B3GALT1: variants seen among roughly 807,000 people sequenced by gnomAD.
B3GALT1 encodes UDP-Gal:betaGlcNAc beta 1,3-galactosyltransferase, polypeptide 1.
In B3GALT1, 10 loss-of-function variants were observed where a neutral mutation model predicts 23.2. That is an observed-to-expected ratio of 0.43 (90% CI 0.27 to 0.73). B3GALT1 has a LOEUF of 0.73. Ranked by LOEUF, B3GALT1 falls within the 30% of genes least tolerant of loss-of-function variation. The pLI is 0.21. For missense variants in B3GALT1, 299 were observed against 405.4 expected (o/e 0.74, Z 2.25); for synonymous variants, 156 against 141.5 (o/e 1.10, Z -0.73).
intron 3 of B3GALT1, among the ~76,000 whole-genome samples, chr2:167,767,195 T>C (rs867096452): frequency 6.6e-6 from 1 of 152,184 alleles, no homozygotes; most frequent in Non-Finnish European, 1.5e-5. Context: ...GCTGAACCAA[T>C]TGAGGTGTTG....
chr2:167,545,639 C>CA (rs1683624471), intron 2 of B3GALT1, among the ~76,000 whole-genome samples: 1 of 152,118 alleles, frequency 6.6e-6, no homozygotes, highest in Non-Finnish European at 1.5e-5. Context: ...GGACTGCCCT[C>CA]ACTTCAGACA....
chr2:167,674,265 C>G (rs1192646332), intron 3 of B3GALT1, among the ~76,000 whole-genome samples: 1 of 152,050 alleles, frequency 6.6e-6, no homozygotes, highest in East Asian at 1.9e-4. Flanking sequence ...AGTTATAAAG[C>G]AAGAATTTAT....
intron 2 of B3GALT1, among the ~76,000 whole-genome samples, chr2:167,637,227 T>C (rs763230774): frequency 2.0e-5 from 3 of 151,962 alleles, no homozygotes; most frequent in Non-Finnish European, 2.9e-5. Flanking sequence ...TTAAGTGAAA[T>C]AGAAGGGCTT....
chr2:167,450,255 C>A (rs973929995), intron 1 of B3GALT1, among the ~76,000 whole-genome samples: 2 of 151,714 alleles, frequency 1.3e-5, no homozygotes, highest in African/African-American at 4.8e-5. Context: ...TTTTTTATTA[C>A]CTTTTCAGTC....
intron 4 of B3GALT1, among the ~76,000 whole-genome samples, chr2:167,827,677 C>G (rs1432681828): frequency 6.6e-6 from 1 of 152,164 alleles, no homozygotes; most frequent in Non-Finnish European, 1.5e-5. Context: ...GCCTCGGATG[C>G]TCTATATCCA....
chr2:167,378,973 T>C (rs1383298527), intron 1 of B3GALT1, among the ~76,000 whole-genome samples: 5 of 152,206 alleles, frequency 3.3e-5, no homozygotes, highest in African/African-American at 9.6e-5. Flanking sequence ...ATTATTTTCA[T>C]GTAGACAGGA....
intron 1 of B3GALT1, among the ~76,000 whole-genome samples, chr2:167,382,437 C>G (rs940463504): frequency 6.6e-6 from 1 of 151,672 alleles, no homozygotes; most frequent in Non-Finnish European, 1.5e-5. Flanking sequence ...TTGCACCTCT[C>G]CCTATCTCCC....
At chr2:167,435,948 CACACAA>C (rs1431892537) in intron 1 of B3GALT1, among the ~76,000 whole-genome samples, 54 of 129,616 alleles carry the variant, frequency 4.2e-4, no homozygotes, top group African/African-American at 2.1e-3. Flanking sequence ...CCTCCACACA[CACACAA>C]ACACACACAC....
chr2:167,449,212 T>C (rs1699050875), intron 1 of B3GALT1, among the ~76,000 whole-genome samples: 1 of 152,200 alleles, frequency 6.6e-6, no homozygotes, highest in Admixed American at 6.5e-5. Flanking sequence ...ACAGTAGTGA[T>C]TCTACCCATC....
chr2:167,354,351 T>C (rs979260608), intron 1 of B3GALT1, among the ~76,000 whole-genome samples: 1 of 146,322 alleles, frequency 6.8e-6, no homozygotes, highest in African/African-American at 2.5e-5. Flanking sequence ...AATCTTCTTT[T>C]TTTTTTTTTT....
chr2:167,322,092 G>A (rs931326181), intron 1 of B3GALT1, among the ~76,000 whole-genome samples: 1 of 151,854 alleles, frequency 6.6e-6, no homozygotes, highest in Admixed American at 6.6e-5. Context: ...TGAAATAAAG[G>A]CGCACTTCCT....
chr2:167,704,232 A>G (rs1041508562), intron 3 of B3GALT1, among the ~76,000 whole-genome samples: 1 of 151,218 alleles, frequency 6.6e-6, no homozygotes, highest in Non-Finnish European at 1.5e-5. Flanking sequence ...CTGGTAAGTC[A>G]TGGAATTATG....
At chr2:167,642,220 G>T (rs1685664787) in intron 2 of B3GALT1, among the ~76,000 whole-genome samples, 1 of 152,020 alleles carries the variant, frequency 6.6e-6, no homozygotes, top group Non-Finnish European at 1.5e-5. Context: ...TCAAATTCTA[G>T]AATGAAAAAG....
chr2:167,452,355 C>T (rs1310091629), intron 1 of B3GALT1, among the ~76,000 whole-genome samples: 3 of 152,222 alleles, frequency 2.0e-5, no homozygotes, highest in Admixed American at 1.3e-4. Flanking sequence ...GGGACCAAGA[C>T]AGCCCACAAG....
intron 1 of B3GALT1, among the ~76,000 whole-genome samples, chr2:167,373,865 T>G (rs2105271466): frequency 6.6e-6 from 1 of 152,240 alleles, no homozygotes; most frequent in South Asian, 2.1e-4. Context: ...GGTCCTTAAC[T>G]TTTTCTTATA....
At chr2:167,772,076 C>T (rs1398906258) in intron 3 of B3GALT1, among the ~76,000 whole-genome samples, 1 of 151,852 alleles carries the variant, frequency 6.6e-6, no homozygotes, top group Non-Finnish European at 1.5e-5. Flanking sequence ...TAATGACTGA[C>T]GGGGGGAATC....
rs927251674 is a variant in B3GALT1, at chr2:167,351,028, C to G, written c.-511+57694C>G. Reference sequence around the variant, plus strand: ...TCACGCCTGTAATCCCAGCACTTTGCGAGGCCGAGGCAGGTGGATCATTTG... The same window carrying G: ...TCACGCCTGTAATCCCAGCACTTTGGGAGGCCGAGGCAGGTGGATCATTTG... On this transcript the variant is annotated intron_variant, in intron 1 of 4. Coordinates refer to ENST00000392690, the MANE Select transcript of B3GALT1 (RefSeq NM_020981.4). Among the ~76,000 whole-genome samples, 4 of 151,930 alleles carry G rather than the reference C, an allele frequency of 2.6e-5. No homozygotes were observed. In the South Asian group the frequency reaches 6.2e-4, roughly 24 times the overall value.
intron 4 of B3GALT1, among the ~76,000 whole-genome samples, chr2:167,826,783 T>TA (rs1225878213): frequency 2.6e-5 from 4 of 152,240 alleles, no homozygotes; most frequent in Non-Finnish European, 5.9e-5. Flanking sequence ...ATAATATAAG[T>TA]AAAAAATACA....
intron 2 of B3GALT1, among the ~76,000 whole-genome samples, chr2:167,633,135 T>C (rs190938584): frequency 6.6e-6 from 1 of 152,030 alleles, no homozygotes; most frequent in African/African-American, 2.4e-5. Context: ...CCAGGAGAAC[T>C]TCCCCAATCT....
Sources: allele counts gnomAD v4.1 joint callset (sites outside exome capture counted in the v4.1 genomes callset), GRCh38; gene constraint gnomAD v4.1.1; transcripts MANE v1.5; gene names NCBI Gene and HGNC (gene_info 2026-07-23, HGNC 2026-07-21).